Variants in LPP observed in about 807,000 individuals in gnomAD.
LPP encodes lipoma-preferred partner.
In LPP, 38 loss-of-function variants were observed where a neutral mutation model predicts 60.4. That is an observed-to-expected ratio of 0.63 (90% confidence interval 0.49 to 0.83). The LOEUF (loss-of-function observed/expected upper bound fraction) is 0.83, where lower values mean the gene tolerates loss of function less well. Among genes scored for constraint, LPP ranks in the 40% least tolerant of loss-of-function variants. The pLI is 0.00. For missense variants in LPP, 902 were observed against 783.6 expected (o/e 1.15, Z -1.80); for synonymous variants, 328 against 290.8 (o/e 1.13, Z -1.30).
chr3:188,802,709 G>A (rs936077398), intron 9 of LPP, among the ~76,000 whole-genome samples: 1 of 152,022 alleles, frequency 6.6e-6, no homozygotes, highest in Admixed American at 6.5e-5. Context: ...ACTTGAACCC[G>A]GGAGGTGGAA....
At chr3:188,787,662 C>T (rs1278873835) in intron 9 of LPP, among the ~76,000 whole-genome samples, 1 of 152,148 alleles carries the variant, frequency 6.6e-6, no homozygotes, top group Non-Finnish European at 1.5e-5. Context: ...TCTATAGCAC[C>T]GTACACTCTG....
At position 188,532,864 on chromosome 3, in the gene LPP, G is replaced by A. The variant is rs140886697; in HGVS notation, c.429+8077G>A. Among the ~76,000 whole-genome samples the A allele has an allele frequency of 5.3e-5, 8 of 152,284 alleles. No individual in the cohort carries two copies. In the East Asian group the frequency reaches 5.8e-4, roughly 11 times the overall value. The stretch of plus-strand genomic sequence containing the variant: ...TCTGGAGTTTGTTTTAAAACTTCAG[G>A]CCTTTGAAGGTTGGGGGCTGGTCCT... On this transcript the variant is annotated intron_variant, in intron 6 of 11. Coordinates refer to ENST00000617246, the MANE Select transcript of LPP (RefSeq NM_001375462.1).
At chr3:188,419,637 A>T (rs1560379750) in intron 4 of LPP, among the ~76,000 whole-genome samples, 1 of 152,224 alleles carries the variant, frequency 6.6e-6, no homozygotes, top group Non-Finnish European at 1.5e-5. Context: ...TCACGCCTGT[A>T]ATCCCAGCAC....
Position 188,428,126 on chromosome 3 carries a change from G to T in LPP, c.193+21813G>T, listed in dbSNP as rs551110189. On this transcript the variant is annotated intron_variant, in intron 4 of 11. Transcript: ENST00000617246. ...GTATCTGGGCCAGAGTGCACCGTTTGTCATGGCACAGTCTCTCATGGCTTC... is the reference window on the plus strand; with the variant it reads ...GTATCTGGGCCAGAGTGCACCGTTTTTCATGGCACAGTCTCTCATGGCTTC... Among the ~76,000 whole-genome samples, 20 of 152,258 alleles carry T rather than the reference G, an allele frequency of 1.3e-4. No individual in the cohort carries two copies. The South Asian group carries it at 4.1e-3, about 32-fold the overall frequency.
At position 188,874,641 on chromosome 3, in the gene LPP, T is replaced by C. The variant is rs1031013213; in HGVS notation, c.*162T>C. On this transcript the variant is annotated 3_prime_UTR_variant, in exon 12 of 12. Transcript: ENST00000617246. ...ATTATGAGATTTTTTTTAAAAGTTG[T>C]TACCAAATACACATTTCACATTGAA... is the stretch of plus-strand genomic sequence containing the variant. The C allele has an allele frequency of 6.4e-6, 5 of 780,798 alleles. No homozygotes were observed. The highest frequency in any genetic ancestry group is 2.9e-5 in the Admixed American group (1 of 34,052). The allele number at this position is 780,798 out of a possible 1,614,324, so 48.4% of individuals were successfully genotyped here. A position where few individuals can be genotyped will look rare whatever the true frequency, so the allele number is the denominator to read the frequency against.
In LPP at chr3:188,610,149, T is replaced by C. The variant is rs1261628995; in HGVS notation, c.1113+305T>C. On this transcript the variant is annotated intron_variant, in intron 7 of 11. Transcript: ENST00000617246. This position sits in a 1 kb window ranked among gnomAD's most constrained non-coding sequence, Gnocchi z 4.4. ...TGATGGAGAAAGAGAAAATAATTTA[T>C]TTTTCACATCCTTCCCTATATTGGT... is the stretch of plus-strand genomic sequence containing the variant. Among the ~76,000 whole-genome samples, 1 of 152,228 alleles carries C rather than the reference T, an allele frequency of 6.6e-6. No individual in the cohort carries two copies. The highest frequency in any genetic ancestry group is 6.5e-5 in the Admixed American group (1 of 15,280).
chr3:188,331,015 T>G (rs1366081837), intron 2 of LPP, among the ~76,000 whole-genome samples: 1 of 152,180 alleles, frequency 6.6e-6, no homozygotes, highest in African/African-American at 2.4e-5. Context: ...TTCCTGAGAC[T>G]TCTACATTTG....
Position 188,862,734 on chromosome 3 carries a change from AAT to A in LPP, c.1411-3464_1411-3463del, listed in dbSNP as rs1765538200. On this transcript the variant is annotated intron_variant, in intron 9 of 11. Coordinates refer to ENST00000617246, the MANE Select transcript of LPP (RefSeq NM_001375462.1). ...AGACAAAAAAATAAATAAATAAATA[AAT>A]AAAAGAAAAAAGAAAAGAAAGAAAG... Among the ~76,000 whole-genome samples the A allele has an allele frequency of 1.4e-5, 2 of 142,774 alleles. 1 individual carries two copies. The highest frequency in any genetic ancestry group is 5.3e-5 in the African/African-American group (2 of 37,834). The allele number at this position is 142,774 out of a possible 152,430, so 93.7% of individuals were successfully genotyped here. A position where few individuals can be genotyped will look rare whatever the true frequency, so the allele number is the denominator to read the frequency against.
intron 4 of LPP, among the ~76,000 whole-genome samples, chr3:188,481,269 C>T (rs900864311): frequency 2.0e-5 from 3 of 152,178 alleles, no homozygotes; most frequent in Non-Finnish European, 4.4e-5. Context: ...CGTTCCTCTA[C>T]ATCTTTTGAA....
At chr3:188,414,828 A>G (rs1484723702) in intron 4 of LPP, among the ~76,000 whole-genome samples, 1 of 152,116 alleles carries the variant, frequency 6.6e-6, no homozygotes, top group Non-Finnish European at 1.5e-5. Context: ...CAGATTAGTA[A>G]GTGGGGAAGC....
intron 9 of LPP, among the ~76,000 whole-genome samples, chr3:188,794,323 C>A (rs79592522): frequency 6.6e-6 from 1 of 152,136 alleles, no homozygotes; most frequent in African/African-American, 2.4e-5. Flanking sequence ...ATAAATATTA[C>A]GTAAAAGTCA....
At chr3:188,397,043 T>G (rs1395830793) in intron 3 of LPP, among the ~76,000 whole-genome samples, 3 of 152,260 alleles carry the variant, frequency 2.0e-5, no homozygotes, top group African/African-American at 7.2e-5. Context: ...ATTTATCTTC[T>G]GTGCTAATTT....
chr3:188,336,249 T>C (rs1468950032), intron 2 of LPP, among the ~76,000 whole-genome samples: 1 of 152,150 alleles, frequency 6.6e-6, no homozygotes, highest in African/African-American at 2.4e-5. Context: ...GACTAGAGTC[T>C]TATGCCCAGG....
intron 9 of LPP, among the ~76,000 whole-genome samples, chr3:188,795,584 C>A (rs1745084842): frequency 6.6e-6 from 1 of 152,168 alleles, no homozygotes; most frequent in African/African-American, 2.4e-5. Flanking sequence ...GGGGCTCATT[C>A]ACTTTCACAC....
chr3:188,597,252 G>T (rs1840169962), intron 6 of LPP, among the ~76,000 whole-genome samples: 1 of 152,130 alleles, frequency 6.6e-6, no homozygotes, highest in African/African-American at 2.4e-5. Context: ...GTATGTTTCA[G>T]TTATGCACAG....
intron 9 of LPP, among the ~76,000 whole-genome samples, chr3:188,838,868 G>C (rs1032074405): frequency 6.6e-6 from 1 of 152,174 alleles, no homozygotes; most frequent in Non-Finnish European, 1.5e-5. Flanking sequence ...CGTGGGGGTC[G>C]GGTGCAAGGA....
At chr3:188,861,777 TTG>T (rs2151949907) in intron 9 of LPP, among the ~76,000 whole-genome samples, 1 of 152,368 alleles carries the variant, frequency 6.6e-6, no homozygotes, top group Admixed American at 6.5e-5. Flanking sequence ...TGTGATTTAA[TTG>T]TTAGTTTCAC....
intron 2 of LPP, among the ~76,000 whole-genome samples, chr3:188,225,886 A>C (rs1354264493): frequency 7.2e-5 from 11 of 152,266 alleles, no homozygotes; most frequent in Non-Finnish European, 1.2e-4. Flanking sequence ...TGAAATGGAA[A>C]GACCAAAATG....
intron 5 of LPP, among the ~76,000 whole-genome samples, chr3:188,485,604 C>T (rs1417297981): frequency 8.6e-5 from 13 of 151,002 alleles, no homozygotes; most frequent in African/African-American, 2.2e-4. Context: ...GAGACCATCC[C>T]GGCTAAAACG....
Sources: allele counts gnomAD v4.1 joint callset (sites outside exome capture counted in the v4.1 genomes callset), GRCh38; gene constraint gnomAD v4.1.1; non-coding constraint Gnocchi (gnomAD v3.1); transcripts MANE v1.5; gene names NCBI Gene and HGNC (gene_info 2026-07-23, HGNC 2026-07-21).